CHTOP: variants seen among roughly 807,000 people sequenced by gnomAD.
CHTOP encodes the protein chromatin target of PRMT1, also known as chromatin target of PRMT1 protein.
In CHTOP, 18 loss-of-function variants were observed where a neutral mutation model predicts 33.6. The observed-to-expected ratio is 0.54, with a 90% CI of 0.37 to 0.80. The LOEUF is 0.80. CHTOP is among the 30% of genes least tolerant of loss of function. The pLI, the probability that CHTOP is intolerant of heterozygous loss-of-function variation, is 0.00. For synonymous variants in CHTOP, 117 were observed against 127.7 expected, an observed-to-expected ratio of 0.92 and a Z score of 0.56; for missense variants, 263 against 336.8, an observed-to-expected ratio of 0.78 and a Z score of 1.71.
At chr1:153,635,153 C>G (rs956506030) in intron 1 of CHTOP, among the ~76,000 whole-genome samples, 1 of 151,446 alleles carries the variant, frequency 6.6e-6, no homozygotes, top group Non-Finnish European at 1.5e-5. Flanking sequence ...CCCGGCCCTG[C>G]CTGTATTTTC....
rs1668693652 is a variant in CHTOP at position 153,643,322 on chromosome 1, C to T, written c.499C>T (p.Leu167=). ...RGRGGPGRGG[L]GRGAMGRGGI... is the part of the protein sequence containing the mutation. ...TCGTGGAGGTCCTGGGAGAGGGGGC[C>T]TAGGGCGTGGAGCTATGGGTCGTGG... Residue 167 remains leucine, a synonymous_variant, in exon 5 of 6, where the codon CTA becomes TTA. Transcript: ENST00000368694. The T allele has an allele frequency of 6.2e-7, 1 of 1,610,822 alleles. No individual in the cohort carries two copies.
chr1:153,638,418 C>T lies in CHTOP; in HGVS notation c.189C>T (p.Pro63=), dbSNP rs1161201937. The change falls in exon 3 of 6, where the codon CCC becomes CCT. Residue 63 remains proline (P), a synonymous_variant. Transcript: ENST00000368694. Reference sequence around the variant, plus strand: ...TGGCCCAGCAGATGGAGAATAGACCCTCTGTCCAGGCAGCATTAAAACTTA... The same window carrying T: ...TGGCCCAGCAGATGGAGAATAGACCTTCTGTCCAGGCAGCATTAAAACTTA... ...RRLAQQMENR[P]SVQAALKLKQ... 3 of 1,614,206 alleles carry T rather than the reference C, an allele frequency of 1.9e-6. No homozygotes were observed. Among genetic ancestry groups the T allele is most frequent in the East Asian group, 2.2e-5 (1 of 44,888 alleles).
chr1:153,634,853 TA>T (rs1159561933), intron 1 of CHTOP, among the ~76,000 whole-genome samples: 8 of 99,014 alleles, frequency 8.1e-5, no homozygotes, highest in African/African-American at 2.7e-4. Flanking sequence ...CATATATATA[TA>T]TATTTTTTTT....
intron 2 of CHTOP, chr1:153,637,749 T>C (rs1020645800): frequency 1.3e-5 from 2 of 152,888 alleles, no homozygotes; most frequent in African/African-American, 4.8e-5. Context: ...CTGAGGCATA[T>C]GTGCTTCTCT....
chr1:153,636,965 C>T (rs1481669338), intron 2 of CHTOP: 3 of 254,470 alleles, frequency 1.2e-5, no homozygotes, highest in African/African-American at 6.6e-5. Context: ...TAGCATGGTA[C>T]CCTGGCTACA....
chr1:153,640,444 G>A (rs1255129636), intron 3 of CHTOP, among the ~76,000 whole-genome samples: 1 of 152,136 alleles, frequency 6.6e-6, no homozygotes, highest in Non-Finnish European at 1.5e-5. Flanking sequence ...ATTCCAGCTT[G>A]GGTGACAGTG....
At chr1:153,643,775 GA>G (rs1668709710) in intron 5 of CHTOP, 4 of 154,332 alleles carry the variant, frequency 2.6e-5, no homozygotes, top group African/African-American at 9.6e-5. Context: ...ATACAAAGAT[GA>G]AGTAGAGTTA....
chr1:153,634,816 GCATATATATATGTATATATATACATA>G (rs1468939109), intron 1 of CHTOP, among the ~76,000 whole-genome samples: 3 of 150,660 alleles, frequency 2.0e-5, no homozygotes, highest in Non-Finnish European at 4.4e-5. Flanking sequence ...AACTAGGCAT[GCATATATATATGTATATATATACATA>G]CATATATATA....
At chr1:153,638,117 T>G in intron 2 of CHTOP, 178 bp from the exon 3 acceptor site, 1 of 629,604 alleles carries the variant, frequency 1.6e-6, no homozygotes, top group South Asian at 2.0e-5. Flanking sequence ...AAGTTTCTGA[T>G]TCTTGCAAGT....
At chr1:153,640,832 C>A (rs772216337) in intron 3 of CHTOP, among the ~76,000 whole-genome samples, 12 of 152,176 alleles carry the variant, frequency 7.9e-5, no homozygotes, top group Non-Finnish European at 1.8e-4. Flanking sequence ...CAGCACACCT[C>A]TAGAAGGGAA....
chr1:153,634,842 A>G (rs563556136), intron 1 of CHTOP, among the ~76,000 whole-genome samples: 5 of 134,080 alleles, frequency 3.7e-5, no homozygotes, highest in Admixed American at 1.6e-4. Context: ...ATATATACAT[A>G]CATATATATA....
intron 4 of CHTOP, 181 bp downstream of exon 4, chr1:153,642,610 A>G (rs1435883261): frequency 6.2e-6 from 3 of 484,606 alleles, no homozygotes; most frequent in Non-Finnish European, 1.1e-5. Context: ...CTTTTCTGAT[A>G]ATGTGCAATG....
chr1:153,637,900 C>G (rs944229828), intron 2 of CHTOP: 1 of 201,366 alleles, frequency 5.0e-6, no homozygotes, highest in African/African-American at 2.3e-5. Flanking sequence ...TTTGAAGGTG[C>G]TCTAATCCTT....
rs529470160 is a variant in CHTOP at position 153,636,269 on chromosome 1, A to T, written c.-17-303A>T. Among the ~76,000 whole-genome samples, 3 of 151,906 alleles carry T rather than the reference A, an allele frequency of 2.0e-5. No homozygotes were observed. In the South Asian group the frequency reaches 6.3e-4, roughly 32 times the overall value. On this transcript the variant is annotated intron_variant, in intron 1 of 5. Transcript: ENST00000368694. ...ATAATCTGAGGTAATTGCCATAGAA[A>T]CTTAAGAACTTTTGCTGGGCGTTGG...
chr1:153,642,890 T>C (rs1668678586), intron 4 of CHTOP: 1 of 346,122 alleles, frequency 2.9e-6, no homozygotes, highest in African/African-American at 2.2e-5. Flanking sequence ...ATAGTTCTTG[T>C]TCCCTAGAAG....
chr1:153,642,538 TATA>T (rs1668665468), intron 4 of CHTOP, 109 bp downstream of exon 4: 3 of 813,560 alleles, frequency 3.7e-6, no homozygotes, highest in African/African-American at 1.7e-5. Flanking sequence ...TTTGTATTAA[TATA>T]ATAACTTCTG....
intron 3 of CHTOP, among the ~76,000 whole-genome samples, chr1:153,639,089 G>A (rs1668520644): frequency 6.6e-6 from 1 of 152,044 alleles, no homozygotes; most frequent in Non-Finnish European, 1.5e-5. Flanking sequence ...CACCATACTA[G>A]CCAGGATGGT....
Position 153,637,113 on chromosome 1 carries a change from ACTTT to A in CHTOP, c.65+466_65+469del, listed in dbSNP as rs554336010. On this transcript the variant is annotated intron_variant, in intron 2 of 5. Coordinates refer to ENST00000368694, the MANE Select transcript of CHTOP (RefSeq NM_015607.4). ...AGAGGCACTCGCTTTGCTCCATTTC[ACTTT>A]CTTTCCATTCTGCTTTTAGTTTGGT... 372 of 154,302 alleles carry A rather than the reference ACTTT, an allele frequency of 2.4e-3. 2 individuals carry two copies. Among genetic ancestry groups the A allele is most frequent in the African/African-American group, 8.6e-3 (357 of 41,590 alleles). The allele number at this position is 154,302 out of a possible 1,614,324, so 9.6% of individuals were successfully genotyped here. A position where few individuals can be genotyped will look rare whatever the true frequency, so the allele number is the denominator to read the frequency against.
chr1:153,640,531 G>A (rs1668583395), intron 3 of CHTOP, among the ~76,000 whole-genome samples: 2 of 152,110 alleles, frequency 1.3e-5, no homozygotes, highest in East Asian at 1.9e-4. Flanking sequence ...TGTAATCCCA[G>A]CACTTTGGGA....
Sources: gnomAD v4.1 joint callset for allele counts (sites outside exome capture counted in the v4.1 genomes callset) on GRCh38, gnomAD v4.1.1 for gene constraint, MANE v1.5 for transcripts, NCBI Gene and HGNC (gene_info 2026-07-23, HGNC 2026-07-21) for gene names.